The following CNTNAP2 variants were observed in gnomAD, a reference collection of about 807,000 sequenced individuals.
The protein encoded by CNTNAP2 is contactin-associated protein-like 2.
In CNTNAP2, 98 loss-of-function variants were observed where a neutral mutation model predicts 155.2. That is an observed-to-expected ratio of 0.63 (90% confidence interval 0.54 to 0.75). CNTNAP2 has a LOEUF of 0.75. Among genes scored for constraint, CNTNAP2 ranks in the 30% least tolerant of loss-of-function variants. The pLI, the probability that CNTNAP2 is intolerant of heterozygous loss-of-function variation, is 0.00. For missense variants in CNTNAP2, 1,727 were observed against 1,688.1 expected (o/e 1.02, Z -0.40); for synonymous variants, 651 against 631.2 (o/e 1.03, Z -0.47).
At chr7:148,056,955 A>T (rs565232272) in intron 15 of CNTNAP2, among the ~76,000 whole-genome samples, 2 of 152,314 alleles carry the variant, frequency 1.3e-5, no homozygotes, top group South Asian at 4.1e-4. Flanking sequence ...CACTGGAATT[A>T]AAAGCTCAGA....
At chr7:146,315,566 C>T in intron 1 of CNTNAP2, among the ~76,000 whole-genome samples, 1 of 152,172 alleles carries the variant, frequency 6.6e-6, no homozygotes, top group East Asian at 1.9e-4. Context: ...CCACTCATGG[C>T]TATTTACTTG....
At chr7:146,361,977 C>T (rs537129623) in intron 1 of CNTNAP2, among the ~76,000 whole-genome samples, 1 of 152,104 alleles carries the variant, frequency 6.6e-6, no homozygotes, top group Non-Finnish European at 1.5e-5. Flanking sequence ...AGTATTCATT[C>T]CTCTCTTCAT....
chr7:146,760,323 A>G (rs1585077468), intron 1 of CNTNAP2, among the ~76,000 whole-genome samples: 1 of 144,458 alleles, frequency 6.9e-6, no homozygotes, highest in Non-Finnish European at 1.5e-5. Flanking sequence ...AAATTCAGTC[A>G]CCTTCTAAAA....
chr7:147,944,715 T>C (rs1385609256), intron 14 of CNTNAP2, among the ~76,000 whole-genome samples: 2 of 152,222 alleles, frequency 1.3e-5, no homozygotes, highest in Admixed American at 1.3e-4. Context: ...TAATTATTTG[T>C]AATAGGCCAG....
intron 12 of CNTNAP2, among the ~76,000 whole-genome samples, chr7:147,633,128 C>T (rs919083893): frequency 6.6e-5 from 10 of 152,260 alleles, no homozygotes; most frequent in African/African-American, 2.4e-4. Context: ...GCCCTTGGGA[C>T]ATGGTGCCCA....
At chr7:146,961,278 G>C (rs867736435) in intron 3 of CNTNAP2, among the ~76,000 whole-genome samples, 4 of 152,160 alleles carry the variant, frequency 2.6e-5, no homozygotes, top group Admixed American at 1.3e-4. Context: ...AGGGAGGACT[G>C]CTTCCGGGGC....
At chr7:147,272,046 C>A (rs1267352548) in intron 8 of CNTNAP2, among the ~76,000 whole-genome samples, 1 of 152,064 alleles carries the variant, frequency 6.6e-6, no homozygotes, top group South Asian at 2.1e-4. Context: ...GTGCCCACCA[C>A]CAAACCCAGT....
At chr7:147,333,506 C>T (rs534324726) in intron 9 of CNTNAP2, among the ~76,000 whole-genome samples, 1 of 152,200 alleles carries the variant, frequency 6.6e-6, no homozygotes, top group East Asian at 1.9e-4. Context: ...TCCTTTTAAA[C>T]AACTTTCTAT....
intron 1 of CNTNAP2, among the ~76,000 whole-genome samples, chr7:146,457,680 T>A (rs1033401218): frequency 4.6e-5 from 7 of 150,892 alleles, no homozygotes; most frequent in Non-Finnish European, 8.9e-5. Context: ...ATTTTTTTTA[T>A]TTTTAGTAGA....
At chr7:146,579,836 T>G (rs1460757058) in intron 1 of CNTNAP2, among the ~76,000 whole-genome samples, 1 of 152,156 alleles carries the variant, frequency 6.6e-6, no homozygotes, top group Non-Finnish European at 1.5e-5. Flanking sequence ...AAATAACAGC[T>G]TGCCTTGAAG....
At chr7:147,366,517 G>C (rs1796231759) in intron 9 of CNTNAP2, among the ~76,000 whole-genome samples, 1 of 151,092 alleles carries the variant, frequency 6.6e-6, no homozygotes, top group Admixed American at 6.6e-5. Context: ...TTCTTTCATA[G>C]TTTCCTTCTC....
chr7:148,008,235 G>A (rs1802014043), intron 15 of CNTNAP2, among the ~76,000 whole-genome samples: 2 of 151,920 alleles, frequency 1.3e-5, no homozygotes, highest in South Asian at 4.2e-4. Context: ...AGCTGGGCAT[G>A]GTGGCGGTTG....
At chr7:148,310,864 G>A (rs1390680814) in intron 21 of CNTNAP2, among the ~76,000 whole-genome samples, 3 of 152,136 alleles carry the variant, frequency 2.0e-5, no homozygotes, top group African/African-American at 7.2e-5. Context: ...TAGAGGGGGA[G>A]GTTCGATTTA....
intron 12 of CNTNAP2, among the ~76,000 whole-genome samples, chr7:147,582,134 C>G (rs1052361070): frequency 2.0e-5 from 3 of 152,112 alleles, no homozygotes; most frequent in African/African-American, 4.8e-5. Context: ...ACAGCCAACT[C>G]TAATGAGAGT....
intron 10 of CNTNAP2, among the ~76,000 whole-genome samples, chr7:147,456,249 G>A (rs185694996): frequency 5.0e-4 from 76 of 152,212 alleles, no homozygotes; most frequent in Non-Finnish European, 8.2e-4. Flanking sequence ...GGAGATCTAT[G>A]ACAAAGAAAG....
intron 1 of CNTNAP2, chr7:146,195,207 G>A (rs890961522): frequency 1.2e-4 from 19 of 152,128 alleles, no homozygotes; most frequent in African/African-American, 4.3e-4. Context: ...ATTAAACAAG[G>A]GATGCATTTT....
chr7:148,291,834 AT>A (rs1241208926), intron 21 of CNTNAP2, among the ~76,000 whole-genome samples: 6 of 152,314 alleles, frequency 3.9e-5, no homozygotes, highest in South Asian at 4.1e-4. Context: ...TTGAAAAAAA[AT>A]GTTTAAAAGA....
chr7:147,896,232 A>T lies in CNTNAP2; in HGVS notation c.2099-7333A>T, dbSNP rs138653417. Among the ~76,000 whole-genome samples, 3 of 152,256 alleles carry T rather than the reference A, an allele frequency of 2.0e-5. No homozygotes were observed. In the East Asian group the frequency reaches 5.8e-4, roughly 29 times the overall value. On this transcript the variant is annotated intron_variant, in intron 13 of 23. Coordinates refer to ENST00000361727, the MANE Select transcript of CNTNAP2 (RefSeq NM_014141.6). ...TTAGGTCCCATCCTGTTGTGTAATA[A>T]GAGTCCCTCTCTACTGTAAGCTGAG...
chr7:146,231,015 A>AAAATAAGTAAATAAAT (rs1554405204), intron 1 of CNTNAP2, among the ~76,000 whole-genome samples: 1 of 80,656 alleles, frequency 1.2e-5, no homozygotes, highest in Admixed American at 1.8e-4. Flanking sequence ...ACTTTGTCTC[A>AAAATAAGTAAATAAAT]AAATAAATAA....
Sources: allele counts gnomAD v4.1 joint callset (sites outside exome capture counted in the v4.1 genomes callset), GRCh38; gene constraint gnomAD v4.1.1; transcripts MANE v1.5; gene names NCBI Gene and HGNC (gene_info 2026-07-23, HGNC 2026-07-21).